Variants in VDAC2 observed in about 807,000 individuals in gnomAD.
VDAC2 encodes the protein voltage dependent anion channel 2.
In VDAC2, 6 loss-of-function variants were observed where a neutral mutation model predicts 36.6. The observed-to-expected ratio is 0.16, with a 90% CI of 0.09 to 0.32. VDAC2 has a LOEUF of 0.32. Ranked by LOEUF, VDAC2 falls within the 10% of genes least tolerant of loss-of-function variation. The pLI is 1.00. For synonymous variants in VDAC2, 109 were observed against 123.8 expected (o/e 0.88, Z 0.79); for missense variants, 247 against 346.0 (o/e 0.71, Z 2.27).
intron 3 of VDAC2, 70 bp from the exon 4 acceptor site, chr10:75,213,951 A>G: frequency 6.8e-7 from 1 of 1,476,722 alleles, no homozygotes; most frequent in Non-Finnish European, 9.4e-7. Context: ...TTTTATGTAT[A>G]GTCAACAATT....
intron 4 of VDAC2, chr10:75,217,969 TC>T: frequency 7.8e-7 from 1 of 1,285,170 alleles, no homozygotes; most frequent in Non-Finnish European, 1.0e-6. Flanking sequence ...ATGCTTGTGA[TC>T]CCAGCTACTC....
rs569956679 is a variant in VDAC2, at chr10:75,213,152, C to T, written c.100+854C>T. Among the ~76,000 whole-genome samples, 6 of 152,158 alleles carry T rather than the reference C, an allele frequency of 3.9e-5. No homozygotes were observed. The East Asian group carries it at 1.2e-3, about 30-fold the overall frequency. Reference sequence around the variant, plus strand: ...GGAGTACAGGGGCGTGATCTCGGCTCCCTGCAGCCTCTGCCTCCTGGGTTC... The same window carrying T: ...GGAGTACAGGGGCGTGATCTCGGCTTCCTGCAGCCTCTGCCTCCTGGGTTC... On this transcript the variant is annotated intron_variant, in intron 3 of 9. Transcript: ENST00000332211.
At chr10:75,212,441 C>G in intron 3 of VDAC2, 143 bp downstream of exon 3, 1 of 771,218 alleles carries the variant, frequency 1.3e-6, no homozygotes, top group Non-Finnish European at 2.0e-6. Context: ...GAGACAGGGT[C>G]TCCCTCTGTT....
intron 4 of VDAC2, 58 bp downstream of exon 4, chr10:75,214,128 A>G: frequency 1.3e-6 from 2 of 1,563,582 alleles, no homozygotes; most frequent in Admixed American, 1.7e-5. Flanking sequence ...AACTTGTAAA[A>G]TGGTCATAAC....
chr10:75,213,526 C>T (rs888867827), intron 3 of VDAC2, among the ~76,000 whole-genome samples: 2 of 152,064 alleles, frequency 1.3e-5, no homozygotes, highest in South Asian at 2.1e-4. Context: ...GGGCAGATCA[C>T]GAGGTCAGGA....
chr10:75,225,828 A>C (rs1171176709), intron 8 of VDAC2, among the ~76,000 whole-genome samples: 1 of 151,192 alleles, frequency 6.6e-6, no homozygotes. Flanking sequence ...TTTGAGACGG[A>C]GTCATCCAGG....
chr10:75,225,926 G>A lies in VDAC2; in HGVS notation c.735+3524G>A, dbSNP rs144629931. Among the ~76,000 whole-genome samples the A allele has an allele frequency of 4.3e-4, 65 of 152,186 alleles. No individual in the cohort carries two copies. The East Asian group carries it at 0.01, about 24-fold the overall frequency. On this transcript the variant is annotated intron_variant, in intron 8 of 9. Coordinates refer to ENST00000332211, the MANE Select transcript of VDAC2 (RefSeq NM_001391963.1). ...TTGTGCCTCAGTCTCCTGAGTAGCT[G>A]GGATTATAGGTGCCCACTACCACAC... is the stretch of plus-strand genomic sequence containing the variant.
chr10:75,229,650 G>T lies in VDAC2; in HGVS notation c.742G>T (p.Val248Phe). 1 of 1,602,020 alleles carries T rather than the reference G, an allele frequency of 6.2e-7. No individual in the cohort carries two copies. Among genetic ancestry groups the T allele is most frequent in the Non-Finnish European group, 8.5e-7 (1 of 1,175,904 alleles). The change falls in exon 9 of 10, where the codon GTC (valine) becomes TTC (phenylalanine). Residue 248 changes from valine (V) to phenylalanine (F), a missense_variant. Coordinates refer to ENST00000332211, the MANE Select transcript of VDAC2 (RefSeq NM_001391963.1). ...LDPTASISAKVNNSSLIGVGY... is the reference protein window; with the variant it reads ...LDPTASISAKFNNSSLIGVGY... ...TTTTTGTATTTTATTTTAGGCAAAAGTCAACAACTCTAGCTTAATTGGAGT... is the reference window on the plus strand; with the variant it reads ...TTTTTGTATTTTATTTTAGGCAAAATTCAACAACTCTAGCTTAATTGGAGT...
intron 4 of VDAC2, among the ~76,000 whole-genome samples, chr10:75,216,042 G>T (rs1171256147): frequency 2.0e-5 from 3 of 152,230 alleles, no homozygotes; most frequent in African/African-American, 7.2e-5. Context: ...GATTTCTGGG[G>T]ATTTACATTG....
intron 4 of VDAC2, among the ~76,000 whole-genome samples, chr10:75,216,026 C>G (rs1841593244): frequency 6.6e-6 from 1 of 152,196 alleles, no homozygotes; most frequent in Non-Finnish European, 1.5e-5. Flanking sequence ...AAGCCTAGGC[C>G]TGTTGGATTT....
At chr10:75,213,145 C>G (rs1014623176) in intron 3 of VDAC2, among the ~76,000 whole-genome samples, 7 of 152,190 alleles carry the variant, frequency 4.6e-5, no homozygotes, top group African/African-American at 1.7e-4. Context: ...GGGGCGTGAT[C>G]TCGGCTCCCT....
chr10:75,214,434 A>T (rs1189555743), intron 4 of VDAC2, among the ~76,000 whole-genome samples: 1 of 152,172 alleles, frequency 6.6e-6, no homozygotes, highest in Admixed American at 6.5e-5. Flanking sequence ...CATTAATTTG[A>T]GTGTACTAAT....
At chr10:75,228,794 G>A (rs1324668804) in intron 8 of VDAC2, among the ~76,000 whole-genome samples, 2 of 152,222 alleles carry the variant, frequency 1.3e-5, no homozygotes, top group Non-Finnish European at 2.9e-5. Flanking sequence ...TGAAAGCAAA[G>A]CAAAGTTGCA....
chr10:75,214,886 G>C (rs1179996916), intron 4 of VDAC2, among the ~76,000 whole-genome samples: 2 of 152,076 alleles, frequency 1.3e-5, no homozygotes, highest in African/African-American at 4.8e-5. Flanking sequence ...TCAATGAACT[G>C]TTTACAAAGG....
At chr10:75,211,092 C>A in intron 1 of VDAC2, 42 bp from the exon 2 acceptor site, 1 of 1,561,782 alleles carries the variant, frequency 6.4e-7, no homozygotes, top group Non-Finnish European at 8.7e-7. Flanking sequence ...CTCCCTTTGG[C>A]CCTTTGACCC....
chr10:75,218,055 T>A, intron 4 of VDAC2: 1 of 643,546 alleles, frequency 1.6e-6, no homozygotes, highest in Non-Finnish European at 2.4e-6. Context: ...ATCATTGTGT[T>A]CCAGCTTGGG....
intron 7 of VDAC2, among the ~76,000 whole-genome samples, chr10:75,221,943 C>T (rs1488141253): frequency 1.3e-5 from 2 of 152,226 alleles, no homozygotes; most frequent in East Asian, 3.9e-4. Flanking sequence ...TGTGGTTCAC[C>T]TTTTTATATG....
rs565148076 is a variant in VDAC2 at position 75,220,664 on chromosome 10, A to G, written c.357-79A>G. The G allele has an allele frequency of 4.4e-4, 563 of 1,273,544 alleles. 2 individuals carry two copies. Among genetic ancestry groups the G allele is most frequent in the Non-Finnish European group, 5.9e-4 (537 of 909,090 alleles). 78.9% of individuals were successfully genotyped at this position (1,273,544 alleles called of 1,614,324 possible). A position where few individuals can be genotyped will look rare whatever the true frequency, so the allele number is the denominator to read the frequency against. On this transcript the variant is annotated intron_variant, in intron 6 of 9. Coordinates refer to ENST00000332211, the MANE Select transcript of VDAC2 (RefSeq NM_001391963.1). Reference sequence around the variant, plus strand: ...TTACTCCCTGGTCATACTGCAGTTTATTTAAGTCTGTTTTGTGCTCTCTTG... The same window carrying G: ...TTACTCCCTGGTCATACTGCAGTTTGTTTAAGTCTGTTTTGTGCTCTCTTG...
chr10:75,220,621 TTA>T (rs2132268219), intron 6 of VDAC2, 120 bp from the exon 7 acceptor site: 1 of 788,730 alleles, frequency 1.3e-6, no homozygotes, highest in African/African-American at 1.7e-5. Context: ...TTACTCCCTG[TTA>T]TTGTATTGCT....
Sources: allele counts gnomAD v4.1 joint callset (sites outside exome capture counted in the v4.1 genomes callset), GRCh38; gene constraint gnomAD v4.1.1; transcripts MANE v1.5; gene names NCBI Gene and HGNC (gene_info 2026-07-23, HGNC 2026-07-21).